The following PALS1 variants were observed in gnomAD, a reference collection of about 807,000 sequenced individuals.
The protein encoded by PALS1 is protein associated with LIN7 1, MAGUK p55 family member, also known as protein PALS1.
In PALS1, 31 loss-of-function variants were observed where a neutral mutation model predicts 78.9. The ratio of observed to expected loss-of-function variants is 0.39; its 90% CI spans 0.30 to 0.53. PALS1 has a LOEUF of 0.53. PALS1 is among the 20% of genes least tolerant of loss of function. The pLI, the probability that PALS1 is intolerant of heterozygous loss-of-function variation, is 0.67. For missense variants in PALS1, 704 were observed against 826.5 expected (o/e 0.85, Z 1.82); for synonymous variants, 276 against 270.9 (o/e 1.02, Z -0.18).
chr14:67,275,741 C>T (rs1340066903), intron 2 of PALS1, among the ~76,000 whole-genome samples: 2 of 152,130 alleles, frequency 1.3e-5, no homozygotes, highest in African/African-American at 2.4e-5. Context: ...GCTGCGAATC[C>T]ATTTGGTCCT....
intron 3 of PALS1, among the ~76,000 whole-genome samples, chr14:67,291,193 C>T (rs1051504351): frequency 2.7e-5 from 4 of 149,396 alleles, no homozygotes; most frequent in Non-Finnish European, 5.9e-5. Context: ...TGCATGTACA[C>T]TCACACAGCC....
intron 14 of PALS1, among the ~76,000 whole-genome samples, chr14:67,329,950 G>C (rs17248616): frequency 0.15 from 22,690 of 149,590 alleles, 3,193 homozygotes; most frequent in East Asian, 0.42. Context: ...TTATGTAATT[G>C]TACTCTGAAT....
At chr14:67,290,912 A>G (rs1350700476) in intron 3 of PALS1, among the ~76,000 whole-genome samples, 2 of 152,256 alleles carry the variant, frequency 1.3e-5, no homozygotes, top group Non-Finnish European at 2.9e-5. Flanking sequence ...TTTCAGATCT[A>G]TGCTGAAATA....
intron 1 of PALS1, among the ~76,000 whole-genome samples, chr14:67,251,214 C>G (rs1368200634): frequency 6.6e-6 from 1 of 152,122 alleles, no homozygotes; most frequent in Non-Finnish European, 1.5e-5. Flanking sequence ...TTGATGAAAG[C>G]CATTTTCCAC....
At chr14:67,327,449 G>A (rs984201815) in intron 14 of PALS1, among the ~76,000 whole-genome samples, 27 of 150,420 alleles carry the variant, frequency 1.8e-4, no homozygotes, top group Admixed American at 1.6e-3. Flanking sequence ...TTTTTTTTCC[G>A]GGGTGTGGGG....
At chr14:67,243,371 A>G (rs943256606) in intron 1 of PALS1, among the ~76,000 whole-genome samples, 1 of 150,968 alleles carries the variant, frequency 6.6e-6, no homozygotes, top group Admixed American at 6.6e-5. Context: ...TATTTTTAGT[A>G]GAGACGGGGT....
chr14:67,296,791 G>C (rs975538648), intron 4 of PALS1, among the ~76,000 whole-genome samples: 1 of 152,094 alleles, frequency 6.6e-6, no homozygotes, highest in East Asian at 1.9e-4. Flanking sequence ...CTGCTGTGCA[G>C]TGGCATAATT....
chr14:67,291,938 A>G (rs2084779078), intron 3 of PALS1, among the ~76,000 whole-genome samples: 1 of 152,244 alleles, frequency 6.6e-6, no homozygotes, highest in African/African-American at 2.4e-5. Context: ...TCTGGGACTT[A>G]CCTTATGAAG....
At chr14:67,306,793 A>G (rs1247724372) in intron 8 of PALS1, among the ~76,000 whole-genome samples, 1 of 152,234 alleles carries the variant, frequency 6.6e-6, no homozygotes, top group Non-Finnish European at 1.5e-5. Context: ...CAGAAAGGAA[A>G]CAGTAATAGG....
intron 8 of PALS1, among the ~76,000 whole-genome samples, chr14:67,306,916 T>TAGC (rs772771247): frequency 5.9e-5 from 9 of 152,338 alleles, no homozygotes; most frequent in Non-Finnish European, 1.0e-4. Context: ...CATCTGTTGA[T>TAGC]AGCAGCAGCA....
At chr14:67,317,654 A>C (rs934779706) in intron 11 of PALS1, among the ~76,000 whole-genome samples, 175 bp downstream of exon 11, 1 of 152,184 alleles carries the variant, frequency 6.6e-6, no homozygotes, top group African/African-American at 2.4e-5. Context: ...ACTGATACAA[A>C]AATTCAAGTA....
In PALS1 at chr14:67,329,653, C is replaced by T. The variant is rs147376979; in HGVS notation, c.1852-3127C>T. On this transcript the variant is annotated intron_variant, in intron 14 of 14. Coordinates refer to ENST00000261681, the MANE Select transcript of PALS1 (RefSeq NM_022474.4). ...TCTTATTATTTTGAGATACGGCGGA[C>T]GCATCACTTGAGGCCAGGAGTTCGA... 1.7e-3 allele frequency among the ~76,000 whole-genome samples: 257 copies of T among 151,828 alleles called. 7 individuals are homozygous for T. In the East Asian group the frequency reaches 0.042, roughly 25 times the overall value.
intron 1 of PALS1, among the ~76,000 whole-genome samples, chr14:67,247,358 C>G (rs563190728): frequency 6.6e-6 from 1 of 152,076 alleles, no homozygotes; most frequent in Non-Finnish European, 1.5e-5. Flanking sequence ...TGTATATTGA[C>G]TTTGTATCCT....
intron 3 of PALS1, among the ~76,000 whole-genome samples, chr14:67,282,637 A>T (rs1247441109): frequency 1.3e-5 from 2 of 152,148 alleles, no homozygotes; most frequent in African/African-American, 2.4e-5. Flanking sequence ...TTGAAAGATA[A>T]GAAATAGTGA....
chr14:67,276,766 A>C (rs1356093944), intron 2 of PALS1, among the ~76,000 whole-genome samples: 1 of 152,222 alleles, frequency 6.6e-6, no homozygotes, highest in African/African-American at 2.4e-5. Flanking sequence ...CAAAGGTTGG[A>C]TCCAGATATA....
At chr14:67,317,705 G>GT (rs1351178938) in intron 11 of PALS1, among the ~76,000 whole-genome samples, 1 of 152,066 alleles carries the variant, frequency 6.6e-6, no homozygotes, top group South Asian at 2.1e-4. Context: ...GTTTCCTGTA[G>GT]TTTTTTTCTA....
rs1198370816 is a variant in PALS1, at chr14:67,253,962, TG to T, written c.-237+12430del. Among the ~76,000 whole-genome samples the T allele has an allele frequency of 1.3e-3, 194 of 151,414 alleles. 2 individuals carry two copies. Among genetic ancestry groups the T allele is most frequent in the African/African-American group, 4.1e-3 (170 of 41,234 alleles). On this transcript the variant is annotated intron_variant, in intron 1 of 14. Coordinates refer to ENST00000261681, the MANE Select transcript of PALS1 (RefSeq NM_022474.4). ...GTGTGTTTGTGTTAATATTTTGTTTTGTTTTTTTTTTTCCATTTTGAGTAAT... is the reference window on the plus strand; with the variant it reads ...GTGTGTTTGTGTTAATATTTTGTTTTTTTTTTTTTTTCCATTTTGAGTAAT...
intron 1 of PALS1, chr14:67,242,074 G>T (rs2083914778): frequency 6.6e-6 from 1 of 152,200 alleles, no homozygotes. Flanking sequence ...TTTTGTTCAT[G>T]GTTTCTGATA....
At chr14:67,245,204 T>G (rs1001741080) in intron 1 of PALS1, among the ~76,000 whole-genome samples, 1 of 152,250 alleles carries the variant, frequency 6.6e-6, no homozygotes, top group African/African-American at 2.4e-5. Context: ...TTTGTTACAT[T>G]GGCATAGGAA....
Sources: allele counts gnomAD v4.1 joint callset (sites outside exome capture counted in the v4.1 genomes callset), GRCh38; gene constraint gnomAD v4.1.1; transcripts MANE v1.5; gene names NCBI Gene and HGNC (gene_info 2026-07-23, HGNC 2026-07-21).